PTPRN2: variants seen among roughly 807,000 people sequenced by gnomAD.
PTPRN2 encodes the protein protein tyrosine phosphatase receptor type N2, also known as receptor-type tyrosine-protein phosphatase N2.
Under a neutral mutation model 118.8 loss-of-function variants are expected in PTPRN2, and 74 were observed. That is an observed-to-expected ratio of 0.62 (90% CI 0.52 to 0.76). The LOEUF (loss-of-function observed/expected upper bound fraction) is 0.76. Among genes scored for constraint, PTPRN2 ranks in the 30% least tolerant of loss-of-function variants. The pLI is 0.00. For synonymous variants in PTPRN2, 641 were observed against 608.0 expected, an observed-to-expected ratio of 1.05 and a Z score of -0.80; for missense variants, 1,481 against 1,394.4, an observed-to-expected ratio of 1.06 and a Z score of -0.99.
At chr7:157,748,785 T>TC (rs1445839802) in intron 12 of PTPRN2, among the ~76,000 whole-genome samples, 407 of 85,380 alleles carry the variant, frequency 4.8e-3, no homozygotes, top group Admixed American at 6.8e-3. Context: ...CTGTGGGCTG[T>TC]TGAGGTGATT....
chr7:157,776,512 T>C (rs1176598266), intron 12 of PTPRN2, among the ~76,000 whole-genome samples: 2 of 71,018 alleles, frequency 2.8e-5, no homozygotes, highest in Admixed American at 1.6e-4. Flanking sequence ...TCCTCCTCCC[T>C]CTCCTTCTCC....
chr7:158,516,620 T>C (rs1586844795), intron 1 of PTPRN2, among the ~76,000 whole-genome samples: 1 of 151,472 alleles, frequency 6.6e-6, no homozygotes, highest in African/African-American at 2.4e-5. Context: ...TCCTGCCTAT[T>C]GTTCCTGGTG....
At chr7:157,919,611 G>A (rs957542233) in intron 11 of PTPRN2, among the ~76,000 whole-genome samples, 4 of 151,952 alleles carry the variant, frequency 2.6e-5, no homozygotes, top group Non-Finnish European at 5.9e-5. Flanking sequence ...TTGATTTTAG[G>A]GGAAAAAATC....
intron 1 of PTPRN2, among the ~76,000 whole-genome samples, chr7:158,532,302 T>A (rs1475264686): frequency 6.6e-6 from 1 of 152,168 alleles, no homozygotes; most frequent in Non-Finnish European, 1.5e-5. Context: ...ACGTCACGTC[T>A]CTATGACCAG....
chr7:158,240,464 T>C (rs1263293870), intron 3 of PTPRN2, among the ~76,000 whole-genome samples: 2 of 152,238 alleles, frequency 1.3e-5, no homozygotes, highest in Non-Finnish European at 2.9e-5. Flanking sequence ...ACTCTCACTC[T>C]GTCGCCCAGG....
At chr7:157,967,875 G>A (rs921766894) in intron 11 of PTPRN2, among the ~76,000 whole-genome samples, 1 of 152,222 alleles carries the variant, frequency 6.6e-6, no homozygotes, top group Non-Finnish European at 1.5e-5. Context: ...TGGGACACAA[G>A]TCCATGGAGG....
At chr7:158,182,897 C>T (rs900874160) in intron 5 of PTPRN2, among the ~76,000 whole-genome samples, 1 of 152,150 alleles carries the variant, frequency 6.6e-6, no homozygotes, top group Non-Finnish European at 1.5e-5. Context: ...GTATTGAGGT[C>T]CCCCAGTGTT....
intron 1 of PTPRN2, among the ~76,000 whole-genome samples, chr7:158,532,306 T>TG (rs1238794553): frequency 6.6e-6 from 1 of 152,194 alleles, no homozygotes; most frequent in Non-Finnish European, 1.5e-5. Context: ...CACGTCTCTA[T>TG]GACCAGGCTC....
At chr7:158,493,997 A>G (rs10224899) in intron 1 of PTPRN2, among the ~76,000 whole-genome samples, 7,446 of 152,334 alleles carry the variant, frequency 0.049, 615 homozygotes, top group African/African-American at 0.17. Flanking sequence ...TCTAAGCAGT[A>G]TCTTGTCACC....
intron 12 of PTPRN2, among the ~76,000 whole-genome samples, chr7:157,883,961 T>C (rs1257617042): frequency 6.6e-6 from 1 of 151,236 alleles, no homozygotes; most frequent in Non-Finnish European, 1.5e-5. Context: ...CACCCCAAAA[T>C]GACTGTCAGA....
intron 10 of PTPRN2, among the ~76,000 whole-genome samples, chr7:158,089,422 G>C (rs61467126): frequency 1.5e-4 from 3 of 20,666 alleles, no homozygotes; most frequent in Admixed American, 6.3e-4. Context: ...CCTCCCCTGA[G>C]GAAAGAGGGA....
intron 1 of PTPRN2, among the ~76,000 whole-genome samples, chr7:158,560,571 G>A (rs537799314): frequency 3.5e-4 from 54 of 152,260 alleles, no homozygotes; most frequent in Non-Finnish European, 6.3e-4. Context: ...TGCGCTCCGC[G>A]CGCAGGACTG....
At chr7:157,982,016 A>G (rs1240534618) in intron 11 of PTPRN2, among the ~76,000 whole-genome samples, 1 of 148,870 alleles carries the variant, frequency 6.7e-6, no homozygotes, top group African/African-American at 2.5e-5. Context: ...AAGGAGGGGA[A>G]TGCAGAGTGT....
intron 21 of PTPRN2, among the ~76,000 whole-genome samples, chr7:157,559,186 C>T (rs1032580855): frequency 5.3e-5 from 8 of 152,240 alleles, no homozygotes; most frequent in East Asian, 1.9e-4. Context: ...CTCAACACTA[C>T]GAGGGAGCCC....
In PTPRN2 at chr7:157,898,672, C is replaced by G; in HGVS notation, c.1788+1G>C. The stretch of plus-strand genomic sequence containing the variant: ...CAGACGGCACCCCTTCTGTTACTCA[C>G]CGACCCGACTCCGGTTTGAAGAATT... On this transcript the variant is annotated splice_donor_variant, in intron 12 of 22. Transcript: ENST00000389418. LOFTEE classifies it high-confidence loss of function. The G allele has an allele frequency of 3.8e-6, 6 of 1,592,350 alleles. No individual in the cohort carries two copies. Among genetic ancestry groups the G allele is most frequent in the Non-Finnish European group, 5.2e-6 (6 of 1,160,100 alleles).
chr7:158,441,033 GTGGTAGTAGTGA>G (rs1417194250), intron 2 of PTPRN2, among the ~76,000 whole-genome samples: 14 of 143,482 alleles, frequency 9.8e-5, no homozygotes, highest in Non-Finnish European at 1.4e-4. Flanking sequence ...GGTGGTGACA[GTGGTAGTAGTGA>G]TGGTGGTAGT....
intron 3 of PTPRN2, among the ~76,000 whole-genome samples, chr7:158,307,615 C>T (rs899562815): frequency 5.3e-5 from 8 of 152,284 alleles, no homozygotes; most frequent in African/African-American, 1.7e-4. Context: ...AACTCTAAGA[C>T]AGCCACACCT....
intron 3 of PTPRN2, among the ~76,000 whole-genome samples, chr7:158,314,100 T>C (rs549161877): frequency 5.3e-5 from 8 of 152,266 alleles, no homozygotes; most frequent in African/African-American, 1.9e-4. Context: ...CAGCACAGGA[T>C]AGCACAGAAA....
chr7:158,475,955 C>A (rs1820223617), intron 2 of PTPRN2, among the ~76,000 whole-genome samples: 2 of 152,214 alleles, frequency 1.3e-5, no homozygotes, highest in Admixed American at 1.3e-4. Flanking sequence ...GGCTGCACAT[C>A]TGGGCTCGGA....
Sources: allele counts gnomAD v4.1 joint callset (sites outside exome capture counted in the v4.1 genomes callset), GRCh38; gene constraint gnomAD v4.1.1; transcripts MANE v1.5; gene names NCBI Gene and HGNC (gene_info 2026-07-23, HGNC 2026-07-21).